GPN1: variants seen among roughly 807,000 people sequenced by gnomAD.
GPN1 encodes GPN-loop GTPase 1.
In GPN1, 44 loss-of-function variants were observed where a neutral mutation model predicts 55.9. The observed-to-expected ratio is 0.79, with a 90% CI of 0.62 to 1.01. The LOEUF (loss-of-function observed/expected upper bound fraction) is 1.01. Among genes scored for constraint, GPN1 ranks in the 50% least tolerant of loss-of-function variants. The probability of loss-of-function intolerance (pLI) is 0.00; values close to 1 mark genes in which losing one functional copy is unlikely to be tolerated. For missense variants in GPN1, 466 were observed against 462.8 expected, an observed-to-expected ratio of 1.01 and a Z score of -0.06; for synonymous variants, 179 against 162.5, an observed-to-expected ratio of 1.10 and a Z score of -0.77.
intron 11 of GPN1, among the ~76,000 whole-genome samples, chr2:27,641,514 T>C (rs1161307064): frequency 2.0e-5 from 3 of 152,222 alleles, no homozygotes; most frequent in Non-Finnish European, 4.4e-5. Context: ...GCGGAAAGTC[T>C]CCTTAATGTT....
intron 12 of GPN1, among the ~76,000 whole-genome samples, chr2:27,645,607 T>C (rs1674191055): frequency 1.3e-5 from 2 of 152,168 alleles, no homozygotes. Flanking sequence ...CAGGAGTGTT[T>C]CCAGTTTTCC....
At chr2:27,634,165 T>A (rs1223946448) in intron 5 of GPN1, among the ~76,000 whole-genome samples, 2 of 152,196 alleles carry the variant, frequency 1.3e-5, no homozygotes, top group African/African-American at 4.8e-5. Flanking sequence ...ATATTGAACA[T>A]CTTTTTAATG....
At chr2:27,628,346 A>AC (rs1178706758), upstream of GPN1, 1 of 1,484,850 alleles carries the variant, frequency 6.7e-7, no homozygotes, top group Non-Finnish European at 9.0e-7. Flanking sequence ...TTTCTGAGGG[A>AC]CCTTCAGTGA....
At position 27,631,063 on chromosome 2, in the gene GPN1, A is replaced by C; in HGVS notation, c.242A>C (p.Lys81Thr). The change falls in exon 3 of 14, where the codon AAA (lysine) becomes ACA (threonine). Residue 81 changes from lysine (K) to threonine (T), a missense_variant. By Grantham distance (78) the Lys-to-Thr change is moderately conservative. Coordinates refer to ENST00000610189, the MANE Select transcript of GPN1 (RefSeq NM_007266.4). ...RDTVKYKEVM[K>T]QYGLGPNGGI... ...ACTGTAAAGTATAAAGAAGTAATGA[A>C]ACAGTATCCTTTTCCATCTACTTTG... is the stretch of plus-strand genomic sequence containing the variant. The C allele has an allele frequency of 7.2e-7, 1 of 1,382,824 alleles. No homozygotes were observed. Among genetic ancestry groups the C allele is most frequent in the Non-Finnish European group, 1.0e-6 (1 of 970,956 alleles). 85.7% of individuals were successfully genotyped at this position (1,382,824 alleles called of 1,614,324 possible).
chr2:27,631,832 A>G lies in GPN1; in HGVS notation c.246-2A>G. The G allele has an allele frequency of 6.4e-7, 1 of 1,573,060 alleles. No homozygotes were observed. On this transcript the variant is annotated splice_acceptor_variant, in intron 3 of 13. Transcript: ENST00000610189. LOFTEE classifies it high-confidence loss of function. Reference sequence around the variant, plus strand: ...GATTTCAGTCCTCAACTTGGTGTCTAGATATGGACTTGGACCCAATGGCGG... The same window carrying G: ...GATTTCAGTCCTCAACTTGGTGTCTGGATATGGACTTGGACCCAATGGCGG...
At chr2:27,648,743 C>T (rs1268962802) in intron 13 of GPN1, among the ~76,000 whole-genome samples, 1 of 152,182 alleles carries the variant, frequency 6.6e-6, no homozygotes, top group Non-Finnish European at 1.5e-5. Context: ...TCAAGTGATT[C>T]TCCCACTTCA....
intron 11 of GPN1, chr2:27,642,221 C>A: frequency 2.0e-6 from 1 of 506,958 alleles, no homozygotes; most frequent in Non-Finnish European, 3.6e-6. Context: ...CCCTCTAAAT[C>A]AGTCTGCAGA....
chr2:27,637,318 C>T (rs537222647), intron 7 of GPN1, among the ~76,000 whole-genome samples: 1 of 152,030 alleles, frequency 6.6e-6, no homozygotes, highest in East Asian at 1.9e-4. Context: ...ATCGTCTTCA[C>T]TTTGAGTAGT....
intron 13 of GPN1, among the ~76,000 whole-genome samples, chr2:27,649,723 A>T (rs1281998596): frequency 6.6e-6 from 1 of 152,126 alleles, no homozygotes; most frequent in Non-Finnish European, 1.5e-5. Context: ...TTGCTGAGTG[A>T]TATTCCATTA....
intron 13 of GPN1, among the ~76,000 whole-genome samples, chr2:27,649,704 T>A (rs527251942): frequency 3.9e-5 from 6 of 152,360 alleles, no homozygotes; most frequent in African/African-American, 1.4e-4. Flanking sequence ...ATCAGTATGT[T>A]CTTTTTTATT....
At chr2:27,648,204 T>G (rs1329320978) in intron 13 of GPN1, among the ~76,000 whole-genome samples, 1 of 152,134 alleles carries the variant, frequency 6.6e-6, no homozygotes, top group Non-Finnish European at 1.5e-5. Context: ...CTTTTGTTTG[T>G]TGTTATTAGT....
At chr2:27,633,778 G>A (rs1673634337) in intron 5 of GPN1, among the ~76,000 whole-genome samples, 1 of 141,114 alleles carries the variant, frequency 7.1e-6, no homozygotes, top group Non-Finnish European at 1.5e-5. Context: ...AGCCTGGCCT[G>A]GAGGTATTTT....
Position 27,647,896 on chromosome 2 carries a change from A to AAG in GPN1, c.995_996dup (p.Asp333ArgfsTer47). On this transcript the variant is annotated frameshift_variant, in exon 13 of 14. Coordinates refer to ENST00000610189, the MANE Select transcript of GPN1 (RefSeq NM_007266.4). LOFTEE classifies it high-confidence loss of function. ...ATCCTGACTCGAGGAACCTTGGATG[A>AAG]AGAGGATGAGGAAGCAGACAGCGAT... The AAG allele has an allele frequency of 6.2e-7, 1 of 1,613,802 alleles. No individual in the cohort carries two copies. Among genetic ancestry groups the AAG allele is most frequent in the Non-Finnish European group, 8.5e-7 (1 of 1,179,678 alleles).
chr2:27,646,713 T>C (rs1342439549), intron 12 of GPN1, among the ~76,000 whole-genome samples: 3 of 152,194 alleles, frequency 2.0e-5, no homozygotes, highest in African/African-American at 7.2e-5. Context: ...TGTACATTTA[T>C]TTTTTCTTCT....
At chr2:27,645,825 G>C (rs1674200423) in intron 12 of GPN1, among the ~76,000 whole-genome samples, 1 of 151,928 alleles carries the variant, frequency 6.6e-6, no homozygotes, top group Admixed American at 6.6e-5. Flanking sequence ...TGCCTCCTGG[G>C]TTCAAGCTAT....
chr2:27,647,728 A>C, intron 12 of GPN1, 108 bp from the exon 13 acceptor site: 1 of 669,648 alleles, frequency 1.5e-6, no homozygotes, highest in East Asian at 2.7e-5. Context: ...TCCTGCGTTT[A>C]TATGTATCAT....
intron 5 of GPN1, among the ~76,000 whole-genome samples, chr2:27,634,601 T>G (rs1391549840): frequency 6.6e-6 from 1 of 152,230 alleles, no homozygotes. Flanking sequence ...TATAAAAGTT[T>G]CCCCTGTGAT....
At chr2:27,628,888 A>C, upstream of GPN1, 2 of 1,469,682 alleles carry the variant, frequency 1.4e-6, no homozygotes, top group Admixed American at 5.3e-5. Flanking sequence ...CACTGTCACT[A>C]GTTGACTCAT....
chr2:27,642,419 G>C lies in GPN1; in HGVS notation c.841-10G>C. On this transcript the variant is annotated splice_polypyrimidine_tract_variant and intron_variant, in intron 11 of 13. Transcript: ENST00000610189. ...TTTGAATATGATGACATTTTTCTCT[G>C]TATATACAGGCCAACGCAGAGAGCC... 4 of 1,581,346 alleles carry C rather than the reference G, an allele frequency of 2.5e-6. No individual in the cohort carries two copies. The highest frequency in any genetic ancestry group is 3.5e-6 in the Non-Finnish European group (4 of 1,150,726).
Sources: gnomAD v4.1 joint callset for allele counts (sites outside exome capture counted in the v4.1 genomes callset) on GRCh38, gnomAD v4.1.1 for gene constraint, MANE v1.5 for transcripts, NCBI Gene and HGNC (gene_info 2026-07-23, HGNC 2026-07-21) for gene names.